The following OCA2 variants were observed in gnomAD, a reference collection of about 807,000 sequenced individuals.
OCA2 encodes OCA2 melanosomal transmembrane protein.
A neutral mutation model predicts 100.2 loss-of-function variants in OCA2; 77 were observed. The observed-to-expected ratio is 0.77, with a 90% CI of 0.64 to 0.93. The LOEUF is 0.93. OCA2 is among the 40% of genes least tolerant of loss of function. OCA2 has a pLI of 0.00. For synonymous variants in OCA2, 432 were observed against 439.2 expected (o/e 0.98, Z 0.21); for missense variants, 1,062 against 1,089.1 (o/e 0.98, Z 0.35).
chr15:27,851,640 G>A (rs1212239110), intron 21 of OCA2, among the ~76,000 whole-genome samples, 165 bp from the exon 22 acceptor site: 1 of 152,210 alleles, frequency 6.6e-6, no homozygotes, highest in Non-Finnish European at 1.5e-5. Flanking sequence ...ACAGAAACTT[G>A]AGTTTGAACT....
At chr15:27,776,439 C>T (rs912514495) in intron 23 of OCA2, 3 of 152,250 alleles carry the variant, frequency 2.0e-5, no homozygotes, top group African/African-American at 7.2e-5. Context: ...TTATTTTCCC[C>T]TGCTTAATCA....
At chr15:27,733,864 T>C in the OCA2 span, among the ~76,000 whole-genome samples, 2 of 151,874 alleles carry the variant, frequency 1.3e-5, no homozygotes, top group Non-Finnish European at 2.9e-5. Flanking sequence ...AAGTATATTA[T>C]TAAAATTATA....
intron 21 of OCA2, among the ~76,000 whole-genome samples, chr15:27,870,400 T>C (rs972134021): frequency 1.3e-5 from 2 of 152,174 alleles, no homozygotes; most frequent in South Asian, 2.1e-4. Flanking sequence ...GGCCTATCTT[T>C]ACTTTGCCAC....
At chr15:28,017,810 C>T (rs1252467077) in intron 7 of OCA2, among the ~76,000 whole-genome samples, 2 of 152,198 alleles carry the variant, frequency 1.3e-5, no homozygotes, top group Non-Finnish European at 2.9e-5. Flanking sequence ...CCAGTGGAGT[C>T]TCCGAGGCCA....
intron 21 of OCA2, among the ~76,000 whole-genome samples, chr15:27,864,686 T>C (rs146695979): frequency 8.7e-4 from 133 of 152,168 alleles, no homozygotes; most frequent in Non-Finnish European, 1.6e-3. Context: ...AACCCACAGA[T>C]TTATGTGCAT....
chr15:27,770,429 C>A (rs537324379), intron 23 of OCA2, among the ~76,000 whole-genome samples: 5 of 152,196 alleles, frequency 3.3e-5, no homozygotes, highest in Non-Finnish European at 5.9e-5. Context: ...GGCTCATTGC[C>A]GCCTGTCTGC....
chr15:27,845,051 A>G lies in OCA2; in HGVS notation c.2340T>C (p.Gly780=), dbSNP rs1800420. The G allele has an allele frequency of 1.2e-6, 2 of 1,613,014 alleles. No individual in the cohort carries two copies. Among genetic ancestry groups the G allele is most frequent in the Non-Finnish European group, 1.7e-6 (2 of 1,179,094 alleles). Residue 780 remains glycine (G), a splice_region_variant and synonymous_variant, in exon 23 of 24, where the codon GGT becomes GGC. Transcript: ENST00000354638. ...CCGACGCGCCAATCAGTGTCCCGTT[A>G]CCTAAAGTCAAAATTTAAAAACAAA... ...YALAFGACLG[G]NGTLIGASAN...
At chr15:28,075,800 A>G (rs1207442695) in intron 2 of OCA2, among the ~76,000 whole-genome samples, 1 of 152,224 alleles carries the variant, frequency 6.6e-6, no homozygotes, top group Non-Finnish European at 1.5e-5. Context: ...ACCAAACTCA[A>G]TGGTTCCATT....
At chr15:27,953,269 G>C (rs901800787) in intron 17 of OCA2, among the ~76,000 whole-genome samples, 3 of 152,162 alleles carry the variant, frequency 2.0e-5, no homozygotes, top group Non-Finnish European at 4.4e-5. Context: ...TAAAGCTGCT[G>C]CCATCAAAAA....
At chr15:27,937,736 C>T (rs980331837) in intron 18 of OCA2, among the ~76,000 whole-genome samples, 11 of 152,122 alleles carry the variant, frequency 7.2e-5, no homozygotes, top group Non-Finnish European at 1.2e-4. Context: ...CTTAAGATTC[C>T]GTCCATTTTT....
At chr15:28,012,396 G>A (rs2042268858) in intron 9 of OCA2, among the ~76,000 whole-genome samples, 2 of 152,148 alleles carry the variant, frequency 1.3e-5, no homozygotes, top group South Asian at 4.1e-4. Context: ...TGGGGAGGCA[G>A]CCTCTGGGAG....
intron 9 of OCA2, among the ~76,000 whole-genome samples, chr15:27,996,113 A>G (rs1385944598): frequency 6.6e-6 from 1 of 152,168 alleles, no homozygotes; most frequent in Admixed American, 6.6e-5. Context: ...ACCCAGCCGC[A>G]ACACACTCTT....
At chr15:28,074,950 G>A (rs993670481) in intron 2 of OCA2, among the ~76,000 whole-genome samples, 5 of 152,148 alleles carry the variant, frequency 3.3e-5, no homozygotes, top group African/African-American at 7.2e-5. Flanking sequence ...TTCAACAAAC[G>A]GTCCTGGAAC....
chr15:27,989,697 T>C, intron 10 of OCA2, 31 bp from the exon 11 acceptor site: 2 of 1,603,840 alleles, frequency 1.2e-6, no homozygotes, highest in Non-Finnish European at 1.7e-6. Flanking sequence ...TGCCAATTAA[T>C]CCGTGCGCCG....
At chr15:27,769,882 C>T (rs952654700) in intron 23 of OCA2, among the ~76,000 whole-genome samples, 3 of 75,168 alleles carry the variant, frequency 4.0e-5, no homozygotes, top group Non-Finnish European at 8.5e-5. Flanking sequence ...GTGTGCAGCG[C>T]CTCGGCCTGT....
intron 19 of OCA2, among the ~76,000 whole-genome samples, chr15:27,882,036 C>T (rs2037040516): frequency 6.6e-6 from 1 of 152,172 alleles, no homozygotes; most frequent in South Asian, 2.1e-4. Context: ...CTTACCACTG[C>T]TTTAGCTGCA....
chr15:27,902,188 A>G (rs1412453322), intron 19 of OCA2, among the ~76,000 whole-genome samples: 1 of 148,376 alleles, frequency 6.7e-6, no homozygotes, highest in African/African-American at 2.5e-5. Context: ...GCAAATTTTG[A>G]AGTCATGAAA....
chr15:28,019,859 TGCAGCTTTCACAAAGC>T (rs1205905579), intron 6 of OCA2, among the ~76,000 whole-genome samples: 21 of 152,194 alleles, frequency 1.4e-4, no homozygotes, highest in Admixed American at 1.4e-3. Context: ...GCCTCAGGCC[TGCAGCTTTCACAAAGC>T]TCAGCTTTCA....
At chr15:27,896,128 T>C (rs2037678246) in intron 19 of OCA2, 1 of 1,030,634 alleles carries the variant, frequency 9.7e-7, no homozygotes, top group Non-Finnish European at 1.5e-6. Context: ...ACCTGCTATA[T>C]GGATGCAGGC....
Sources: allele counts gnomAD v4.1 joint callset (sites outside exome capture counted in the v4.1 genomes callset), GRCh38; gene constraint gnomAD v4.1.1; transcripts MANE v1.5; gene names NCBI Gene and HGNC (gene_info 2026-07-23, HGNC 2026-07-21).